NUBPL: variants seen among roughly 807,000 people sequenced by gnomAD.
NUBPL encodes the protein NUBP iron-sulfur cluster assembly factor, mitochondrial.
Under a neutral mutation model 45.7 loss-of-function variants are expected in NUBPL, and 31 were observed. The observed-to-expected ratio is 0.68, with a 90% confidence interval of 0.51 to 0.92. NUBPL has a LOEUF of 0.92. NUBPL is among the 40% of genes least tolerant of loss of function. The pLI is 0.00. For missense variants in NUBPL, 401 were observed against 398.7 expected, an observed-to-expected ratio of 1.01 and a Z score of -0.05; for synonymous variants, 144 against 140.9, an observed-to-expected ratio of 1.02 and a Z score of -0.15.
intron 4 of NUBPL, among the ~76,000 whole-genome samples, chr14:31,638,665 A>T (rs2035583508): frequency 6.6e-6 from 1 of 152,184 alleles, no homozygotes; most frequent in Non-Finnish European, 1.5e-5. Context: ...GTTCTCCAGG[A>T]TAACATCCTG....
intron 4 of NUBPL, among the ~76,000 whole-genome samples, chr14:31,612,192 T>C (rs1393959557): frequency 6.6e-6 from 1 of 152,216 alleles, no homozygotes; most frequent in African/African-American, 2.4e-5. Context: ...ATAATGAATA[T>C]ATTACTTTGT....
At chr14:31,700,777 C>T (rs1344936013) in intron 6 of NUBPL, among the ~76,000 whole-genome samples, 4 of 152,300 alleles carry the variant, frequency 2.6e-5, no homozygotes, top group Admixed American at 2.0e-4. Context: ...TCAGCCGCCC[C>T]TCCACAGGGC....
chr14:31,652,860 A>G (rs1475615274), intron 4 of NUBPL, among the ~76,000 whole-genome samples: 1 of 152,162 alleles, frequency 6.6e-6, no homozygotes, highest in Non-Finnish European at 1.5e-5. Flanking sequence ...CCATATTTTA[A>G]CATAGGTTCT....
chr14:31,834,353 G>C (rs546521956), intron 8 of NUBPL, among the ~76,000 whole-genome samples: 6 of 151,944 alleles, frequency 3.9e-5, no homozygotes, highest in African/African-American at 1.4e-4. Flanking sequence ...GCTAATTTTT[G>C]TACTTTTAGT....
chr14:31,609,019 G>A lies in NUBPL; in HGVS notation c.382+9640G>A, dbSNP rs146230027. ...GGAAGACAGGAAGGAAAGAAGGAAG[G>A]AAGAGAAGACCACAAAACAACCAGA... On this transcript the variant is annotated intron_variant, in intron 4 of 10. Transcript: ENST00000281081. 2.0e-3 allele frequency among the ~76,000 whole-genome samples: 306 copies of A among 152,168 alleles called. 1 individual carries two copies. The highest frequency in any genetic ancestry group is 6.8e-3 in the African/African-American group (281 of 41,510).
chr14:31,590,496 G>C (rs889048657), intron 3 of NUBPL, among the ~76,000 whole-genome samples: 1 of 152,052 alleles, frequency 6.6e-6, no homozygotes, highest in Non-Finnish European at 1.5e-5. Flanking sequence ...GAGTCTGAAG[G>C]GTGGATCAAG....
chr14:31,798,776 A>G (rs1302469673), intron 7 of NUBPL, among the ~76,000 whole-genome samples: 13 of 118,938 alleles, frequency 1.1e-4, no homozygotes, highest in African/African-American at 4.2e-4. Context: ...TGGGTGACAG[A>G]GCAAGACTCC....
intron 6 of NUBPL, among the ~76,000 whole-genome samples, chr14:31,729,276 C>T (rs796432319): frequency 1.1e-4 from 3 of 28,362 alleles, no homozygotes; most frequent in African/African-American, 1.6e-4. Context: ...GATGCTCCAT[C>T]CCCCCCCCCC....
At chr14:31,602,253 G>A (rs939118736) in intron 4 of NUBPL, among the ~76,000 whole-genome samples, 1 of 151,966 alleles carries the variant, frequency 6.6e-6, no homozygotes, top group African/African-American at 2.4e-5. Flanking sequence ...GTGGGAGGAG[G>A]GGGGAGGGAT....
chr14:31,715,166 A>G (rs1176703317), intron 6 of NUBPL, among the ~76,000 whole-genome samples: 1 of 152,168 alleles, frequency 6.6e-6, no homozygotes, highest in Non-Finnish European at 1.5e-5. Flanking sequence ...ATACTATTTG[A>G]TCTACTGATC....
intron 6 of NUBPL, among the ~76,000 whole-genome samples, chr14:31,778,776 C>T (rs193155005): frequency 2.0e-5 from 3 of 152,290 alleles, no homozygotes; most frequent in Admixed American, 2.0e-4. Flanking sequence ...AAAGGGACCA[C>T]TCAGCAATGG....
intron 6 of NUBPL, among the ~76,000 whole-genome samples, chr14:31,749,124 A>T (rs756496523): frequency 2.0e-5 from 3 of 152,198 alleles, no homozygotes; most frequent in Non-Finnish European, 4.4e-5. Flanking sequence ...AACAGTCAAG[A>T]TTATTGATGA....
intron 4 of NUBPL, among the ~76,000 whole-genome samples, chr14:31,623,465 G>C (rs556140950): frequency 6.6e-6 from 1 of 152,110 alleles, no homozygotes; most frequent in African/African-American, 2.4e-5. Flanking sequence ...GTTTGGTTCA[G>C]TGTCCCCACC....
Position 31,565,047 on chromosome 14 carries a change from C to A in NUBPL, c.290C>A (p.Ser97Ter). The change falls in exon 3 of 11, where the codon TCG (serine) becomes TAG (stop). Residue 97 changes from serine (S) to a stop codon, truncating the protein, a stop_gained and splice_region_variant. Transcript: ENST00000281081. LOFTEE classifies it high-confidence loss of function. ...GCACTTGCACTAGCAGCGAACGATT[C>A]GGTAGGTGTTTATTAATAGAAATAT... ...NLALALAANDSSKAIGLLDVD... is the reference protein window; with the variant it reads ...NLALALAAND 1 of 1,531,072 alleles carries A rather than the reference C, an allele frequency of 6.5e-7. No individual in the cohort carries two copies. Among genetic ancestry groups the A allele is most frequent in the Non-Finnish European group, 9.0e-7 (1 of 1,116,558 alleles). The allele number at this position is 1,531,072 out of a possible 1,614,324, so 94.8% of individuals were successfully genotyped here.
chr14:31,621,144 G>A (rs141183848), intron 4 of NUBPL, among the ~76,000 whole-genome samples: 8 of 152,258 alleles, frequency 5.3e-5, no homozygotes, highest in Admixed American at 2.0e-4. Flanking sequence ...TACGAAGGTC[G>A]AGCGTCCCAG....
rs1179014597 is a variant in NUBPL at position 31,756,513 on chromosome 14, C to G, written c.514-31267C>G. Among the ~76,000 whole-genome samples the G allele has an allele frequency of 1.1e-4, 16 of 151,914 alleles. No homozygotes were observed. In the South Asian group the frequency reaches 1.3e-3, roughly 12 times the overall value. On this transcript the variant is annotated intron_variant, in intron 6 of 10. Coordinates refer to ENST00000281081, the MANE Select transcript of NUBPL (RefSeq NM_025152.3). Reference sequence around the variant, plus strand: ...TTGGCTCTCTGTTTGTCTGTTATTGCTGTATAAGAATGCTTGTGATTTCTG... The same window carrying G: ...TTGGCTCTCTGTTTGTCTGTTATTGGTGTATAAGAATGCTTGTGATTTCTG...
intron 9 of NUBPL, among the ~76,000 whole-genome samples, chr14:31,847,899 A>G (rs114851573): frequency 0.014 from 2,207 of 152,308 alleles, 35 homozygotes; most frequent in African/African-American, 0.044. Context: ...AGAAAGTTCA[A>G]TTTTCCAAAT....
At chr14:31,811,594 A>G (rs968469587) in intron 7 of NUBPL, among the ~76,000 whole-genome samples, 3 of 152,106 alleles carry the variant, frequency 2.0e-5, no homozygotes, top group Non-Finnish European at 4.4e-5. Context: ...GTTTGTTATT[A>G]CTGACTTTCT....
At chr14:31,726,243 T>G (rs930858769) in intron 6 of NUBPL, among the ~76,000 whole-genome samples, 1 of 152,178 alleles carries the variant, frequency 6.6e-6, no homozygotes, top group African/African-American at 2.4e-5. Flanking sequence ...CTTATAAAGA[T>G]CTGTCCAAAG....
Sources: allele counts gnomAD v4.1 joint callset (sites outside exome capture counted in the v4.1 genomes callset), GRCh38; gene constraint gnomAD v4.1.1; transcripts MANE v1.5; gene names NCBI Gene and HGNC (gene_info 2026-07-23, HGNC 2026-07-21).